The following IFNLR1 variants were observed in gnomAD, a reference collection of about 807,000 sequenced individuals.
IFNLR1 encodes the protein interferon lambda receptor 1.
Under a neutral mutation model 52.5 loss-of-function variants are expected in IFNLR1, and 28 were observed. The ratio of observed to expected loss-of-function variants is 0.53; its 90% CI spans 0.40 to 0.73. The LOEUF (loss-of-function observed/expected upper bound fraction) is 0.73, where lower values mean the gene tolerates loss of function less well. Among genes scored for constraint, IFNLR1 ranks in the 30% least tolerant of loss-of-function variants. IFNLR1 has a pLI of 0.00. For missense variants in IFNLR1, 623 were observed against 659.1 expected (o/e 0.95, Z 0.60); for synonymous variants, 276 against 274.9 (o/e 1.00, Z -0.04).
At chr1:24,173,967 G>A (rs1015876543) in intron 2 of IFNLR1, among the ~76,000 whole-genome samples, 1 of 152,058 alleles carries the variant, frequency 6.6e-6, no homozygotes, top group African/African-American at 2.4e-5. Context: ...TATTATGGAC[G>A]AATTGAGTTC....
intron 2 of IFNLR1, 41 bp from the exon 3 acceptor site, chr1:24,169,642 C>A: frequency 6.4e-7 from 1 of 1,574,362 alleles, no homozygotes; most frequent in Non-Finnish European, 8.6e-7. Context: ...TGGACTCAGC[C>A]TCTCCGGGTC....
At chr1:24,163,330 A>C (rs1382316838) in intron 3 of IFNLR1, among the ~76,000 whole-genome samples, 3 of 152,168 alleles carry the variant, frequency 2.0e-5, no homozygotes, top group African/African-American at 7.2e-5. Context: ...AGCGTTCTTA[A>C]GGACTAAATC....
intron 3 of IFNLR1, among the ~76,000 whole-genome samples, chr1:24,167,861 A>AT (rs912695534): frequency 6.1e-5 from 9 of 148,286 alleles, no homozygotes; most frequent in African/African-American, 1.7e-4. Context: ...CGCCCAACTA[A>AT]TTTTTTTTTG....
In IFNLR1 at chr1:24,157,326, G is replaced by C. The variant is rs772253018; in HGVS notation, c.1367C>G (p.Pro456Arg). ...TCCCCCAGGGACCAGATTCGGCTCCGGTGGTAAGGTGCCCCAGGTGGCCCA... is the reference window on the plus strand; with the variant it reads ...TCCCCCAGGGACCAGATTCGGCTCCCGTGGTAAGGTGCCCCAGGTGGCCCA... The part of the protein sequence containing the change: ...SSWATWGTLP[P>R]EPNLVPGGPP... The change falls in exon 7 of 7, where the codon CCG (proline) becomes CGG (arginine). Residue 456 changes from proline to arginine, a missense_variant. Physicochemically the swap from Pro to Arg is moderately radical, Grantham distance 103. Coordinates refer to ENST00000327535, the MANE Select transcript of IFNLR1 (RefSeq NM_170743.4). This position sits in a 1 kb window ranked among gnomAD's most constrained non-coding sequence, Gnocchi z 5.1. 5 of 1,614,168 alleles carry C rather than the reference G, an allele frequency of 3.1e-6. No individual in the cohort carries two copies. Among genetic ancestry groups the C allele is most frequent in the South Asian group, 2.2e-5 (2 of 91,082 alleles).
chr1:24,158,505 C>T (rs1367976674), intron 6 of IFNLR1, among the ~76,000 whole-genome samples: 1 of 152,180 alleles, frequency 6.6e-6, no homozygotes, highest in Non-Finnish European at 1.5e-5. Context: ...AGCCCCCATG[C>T]CCATCGGAGC....
intron 2 of IFNLR1, 28 bp from the exon 3 acceptor site, chr1:24,169,629 C>A: frequency 6.2e-7 from 1 of 1,600,432 alleles, no homozygotes; most frequent in Non-Finnish European, 8.5e-7. Context: ...AGAGCTTGGG[C>A]CATGGACTCA....
In IFNLR1 at chr1:24,157,570, C is replaced by A. The variant is rs1371298216; in HGVS notation, c.1123G>T (p.Val375Phe). The change falls in exon 7 of 7, where the codon GTC (valine) becomes TTC (phenylalanine). Residue 375 changes from valine (V) to phenylalanine (F), a missense_variant. Physicochemically the swap from Val to Phe is conservative, Grantham distance 50 (BLOSUM62 -1). Coordinates refer to ENST00000327535, the MANE Select transcript of IFNLR1 (RefSeq NM_170743.4). This position sits in a 1 kb window ranked among gnomAD's most constrained non-coding sequence, Gnocchi z 5.1. ...CAAGCAGAGGAGCCTTCGCTTGGGA[C>A]CAGAGGAGCCCTGGGCCTCCCTGAG... ...VDSGRPRAPL[V>F]PSEGSSAWDS... The A allele has an allele frequency of 3.1e-6, 5 of 1,612,100 alleles. No homozygotes were observed. Among genetic ancestry groups the A allele is most frequent in the Non-Finnish European group, 4.2e-6 (5 of 1,179,108 alleles).
At chr1:24,184,029 C>T (rs1381542029) in intron 1 of IFNLR1, among the ~76,000 whole-genome samples, 3 of 152,186 alleles carry the variant, frequency 2.0e-5, no homozygotes, top group Admixed American at 6.5e-5. Context: ...TGTGCCTGGT[C>T]TAAACTCCAG....
chr1:24,169,025 T>G (rs1327134241), intron 3 of IFNLR1, among the ~76,000 whole-genome samples: 1 of 152,234 alleles, frequency 6.6e-6, no homozygotes, highest in African/African-American at 2.4e-5. Context: ...ATTACAGGCG[T>G]GAGCCACCAC....
At chr1:24,160,448 T>C (rs375742395) in intron 4 of IFNLR1, among the ~76,000 whole-genome samples, 6 of 152,368 alleles carry the variant, frequency 3.9e-5, no homozygotes, top group African/African-American at 4.8e-5. Flanking sequence ...AAATCTGTTA[T>C]TAAAATTCGA....
In IFNLR1 at chr1:24,157,026, C is replaced by T. The variant is rs976128571; in HGVS notation, c.*104G>A. On this transcript the variant is annotated 3_prime_UTR_variant, in exon 7 of 7. Coordinates refer to ENST00000327535, the MANE Select transcript of IFNLR1 (RefSeq NM_170743.4). The surrounding 1 kb of genome is among the most constrained non-coding windows in gnomAD (Gnocchi z 5.1). ...ACTTCCCGGAAGTGCAATGCCCCTC[C>T]GCCGCCCAGGGGAGGTACGGAGGCT... is the stretch of plus-strand genomic sequence containing the variant. The T allele has an allele frequency of 1.2e-5, 17 of 1,372,932 alleles. No individual in the cohort carries two copies. Among genetic ancestry groups the T allele is most frequent in the African/African-American group, 4.4e-5 (3 of 68,706 alleles). The allele number at this position is 1,372,932 out of a possible 1,614,324, so 85.0% of individuals were successfully genotyped here.
Position 24,169,511 on chromosome 1 carries a change from G to C in IFNLR1, c.273C>G (p.Asp91Glu). The change falls in exon 3 of 7, where the codon GAC (aspartate) becomes GAG (glutamate). Residue 91 changes from aspartate to glutamate, a missense_variant. By Grantham distance (45) the Asp-to-Glu change is conservative (BLOSUM62 2). Coordinates refer to ENST00000327535, the MANE Select transcript of IFNLR1 (RefSeq NM_170743.4). ...CGCGTCCCTTGAACTTGTTGTACAGGTCCTGTTTCTTCAGGCACATCATAG... is the reference window on the plus strand; with the variant it reads ...CGCGTCCCTTGAACTTGTTGTACAGCTCCTGTTTCTTCAGGCACATCATAG... Reference protein sequence around the residue: ...LCSMMCLKKQDLYNKFKGRVR... With the variant: ...LCSMMCLKKQELYNKFKGRVR... 1 of 1,614,192 alleles carries C rather than the reference G, an allele frequency of 6.2e-7. No individual in the cohort carries two copies.
At position 24,159,730 on chromosome 1, in the gene IFNLR1, T is replaced by TG. The variant is rs1557641975; in HGVS notation, c.511-98_511-97insC. On this transcript the variant is annotated intron_variant, in intron 4 of 6. Transcript: ENST00000327535. The stretch of plus-strand genomic sequence containing the variant: ...GGTTGGCAGACATGGTAGGGTGTTT[T>TG]TTTTTTGTTTTTTTTTTTTGTTTTT... 2.1e-4 allele frequency: 219 copies of TG among 1,032,010 alleles called. 2 individuals carry two copies. In the African/African-American group the frequency reaches 2.2e-3, roughly 10 times the overall value. 63.9% of individuals were successfully genotyped at this position (1,032,010 alleles called of 1,614,324 possible). A position where few individuals can be genotyped will look rare whatever the true frequency, so the allele number is the denominator to read the frequency against.
chr1:24,183,414 A>G (rs1013718390), intron 1 of IFNLR1, among the ~76,000 whole-genome samples: 3 of 152,194 alleles, frequency 2.0e-5, no homozygotes, highest in Non-Finnish European at 2.9e-5. Flanking sequence ...CCTAGGCAAC[A>G]TAGTGAGACC....
chr1:24,169,248 C>T (rs376349677), intron 3 of IFNLR1, among the ~76,000 whole-genome samples, 169 bp downstream of exon 3: 1 of 152,174 alleles, frequency 6.6e-6, no homozygotes, highest in Non-Finnish European at 1.5e-5. Flanking sequence ...CATGGTCCCT[C>T]GCTGTTGCTG....
chr1:24,165,514 C>T (rs559686836), intron 3 of IFNLR1, among the ~76,000 whole-genome samples: 5 of 152,292 alleles, frequency 3.3e-5, no homozygotes, highest in African/African-American at 1.2e-4. Flanking sequence ...ACATTCCTAC[C>T]GATAGTCTGT....
chr1:24,170,027 G>GATAGGAACTCTGTGGAGT (rs1364950591), intron 2 of IFNLR1, among the ~76,000 whole-genome samples: 1 of 152,244 alleles, frequency 6.6e-6, no homozygotes, highest in Non-Finnish European at 1.5e-5. Flanking sequence ...AGGGGAACAT[G>GATAGGAACTCTGTGGAGT]CAGGTCCATG....
At position 24,157,484 on chromosome 1, in the gene IFNLR1, G is replaced by A; in HGVS notation, c.1209C>T (p.Ser403=). 5 of 1,613,542 alleles carry A rather than the reference G, an allele frequency of 3.1e-6. No individual in the cohort carries two copies. Among genetic ancestry groups the A allele is most frequent in the Non-Finnish European group, 4.2e-6 (5 of 1,179,698 alleles). Residue 403 remains serine (S), a synonymous_variant, in exon 7 of 7, where the codon TCC becomes TCT. Coordinates refer to ENST00000327535, the MANE Select transcript of IFNLR1 (RefSeq NM_170743.4). This position sits in a 1 kb window ranked among gnomAD's most constrained non-coding sequence, Gnocchi z 5.1. The part of the protein sequence containing the change: ...TVDSSWDRAG[S]SGYLAEKGPG... Reference sequence around the variant, plus strand: ...GCCCCTTCTCAGCCAAATAGCCAGAGGACCCAGCCCTGTCCCAGGAGGAGT... The same window carrying A: ...GCCCCTTCTCAGCCAAATAGCCAGAAGACCCAGCCCTGTCCCAGGAGGAGT...
Position 24,156,911 on chromosome 1 carries a change from C to T in IFNLR1, c.*219G>A, listed in dbSNP as rs931532506. ...CTGACCTCAGCCCACCCTGTGTCCA[C>T]CCCTCTTATAGCTCAGCCTAAAGAG... is the stretch of plus-strand genomic sequence containing the variant. On this transcript the variant is annotated 3_prime_UTR_variant, in exon 7 of 7. Coordinates refer to ENST00000327535, the MANE Select transcript of IFNLR1 (RefSeq NM_170743.4). 31 of 582,546 alleles carry T rather than the reference C, an allele frequency of 5.3e-5. No homozygotes were observed. Among genetic ancestry groups the T allele is most frequent in the African/African-American group, 4.1e-4 (22 of 53,412 alleles). 36.1% of individuals were successfully genotyped at this position (582,546 alleles called of 1,614,324 possible).
Sources: allele counts gnomAD v4.1 joint callset (sites outside exome capture counted in the v4.1 genomes callset), GRCh38; gene constraint gnomAD v4.1.1; non-coding constraint Gnocchi (gnomAD v3.1); transcripts MANE v1.5; gene names NCBI Gene and HGNC (gene_info 2026-07-23, HGNC 2026-07-21).